TTC28: variants seen among roughly 807,000 people sequenced by gnomAD.
TTC28 encodes the protein tetratricopeptide repeat domain 28.
A neutral mutation model predicts 198.0 loss-of-function variants in TTC28; 61 were observed. That is an observed-to-expected ratio of 0.31 (90% CI 0.25 to 0.38). The LOEUF (loss-of-function observed/expected upper bound fraction) is 0.38. Ranked by LOEUF, TTC28 falls within the 10% of genes least tolerant of loss-of-function variation. TTC28 has a pLI of 1.00. For synonymous variants in TTC28, 1,171 were observed against 1,297.8 expected, an observed-to-expected ratio of 0.90 and a Z score of 2.10; for missense variants, 2,678 against 3,164.0, an observed-to-expected ratio of 0.85 and a Z score of 3.69.
chr22:28,658,828 C>G (rs987312658), intron 1 of TTC28, among the ~76,000 whole-genome samples: 4 of 152,118 alleles, frequency 2.6e-5, no homozygotes, highest in African/African-American at 9.7e-5. Flanking sequence ...AAAACCTCGT[C>G]TCTACTAAAA....
intron 5 of TTC28, among the ~76,000 whole-genome samples, chr22:28,274,070 A>T (rs1932257941): frequency 6.6e-6 from 1 of 152,200 alleles, no homozygotes; most frequent in Non-Finnish European, 1.5e-5. Context: ...ACTATATGAA[A>T]CCATTTGTAT....
At chr22:28,637,898 G>A (rs183015456) in intron 1 of TTC28, among the ~76,000 whole-genome samples, 47 of 152,270 alleles carry the variant, frequency 3.1e-4, no homozygotes, top group Admixed American at 2.1e-3. Context: ...GAAACCAAAA[G>A]AGAGCAGGAA....
At chr22:28,277,349 A>T (rs917857774) in intron 5 of TTC28, among the ~76,000 whole-genome samples, 2 of 152,210 alleles carry the variant, frequency 1.3e-5, no homozygotes, top group African/African-American at 4.8e-5. Context: ...AAAGATTCTG[A>T]TTACTGCTTA....
At chr22:28,169,565 C>CA (rs1040813546) in intron 5 of TTC28, among the ~76,000 whole-genome samples, 1 of 152,102 alleles carries the variant, frequency 6.6e-6, no homozygotes, top group African/African-American at 2.4e-5. Context: ...CAAACTATCG[C>CA]AAGGACAAAA....
rs191184845 is a variant in TTC28, at chr22:28,428,318, T to G, written c.382-121675A>C. On this transcript the variant is annotated intron_variant, in intron 2 of 22. Transcript: ENST00000397906. ...CAAATCCCTTTACTTTTGAAATCAC[T>G]CTAGTAAAAATGAAGGGATAAATAA... Among the ~76,000 whole-genome samples the G allele has an allele frequency of 1.6e-4, 25 of 152,252 alleles. No homozygotes were observed. In the East Asian group the frequency reaches 4.8e-3, roughly 29 times the overall value.
chr22:28,203,969 C>T (rs1383295488), intron 5 of TTC28, among the ~76,000 whole-genome samples: 1 of 152,076 alleles, frequency 6.6e-6, no homozygotes, highest in African/African-American at 2.4e-5. Flanking sequence ...TTATTCATTG[C>T]CTTATTGTTA....
chr22:28,458,886 A>AC (rs894547581), intron 2 of TTC28, among the ~76,000 whole-genome samples: 10 of 151,932 alleles, frequency 6.6e-5, no homozygotes, highest in African/African-American at 2.4e-4. Flanking sequence ...ATCTCAAAAA[A>AC]AAAAAAAAAA....
chr22:28,293,748 A>C (rs899501381), intron 5 of TTC28, among the ~76,000 whole-genome samples: 5 of 152,228 alleles, frequency 3.3e-5, no homozygotes, highest in African/African-American at 4.8e-5. Context: ...AATGAATGGT[A>C]CTTTATAATT....
At chr22:28,594,564 C>G in intron 2 of TTC28, among the ~76,000 whole-genome samples, 1 of 148,206 alleles carries the variant, frequency 6.7e-6, no homozygotes, top group East Asian at 1.9e-4. Context: ...AAGTAACATT[C>G]AATTTATAAA....
chr22:28,490,394 T>A (rs1401999116), intron 2 of TTC28, among the ~76,000 whole-genome samples: 1 of 152,182 alleles, frequency 6.6e-6, no homozygotes, highest in Non-Finnish European at 1.5e-5. Flanking sequence ...AGAGTTTGTA[T>A]CACCTGGAAC....
chr22:28,591,065 A>G (rs1374381915), intron 2 of TTC28, among the ~76,000 whole-genome samples: 1 of 125,126 alleles, frequency 8.0e-6, no homozygotes, highest in Admixed American at 7.7e-5. Flanking sequence ...ATATATATAT[A>G]TATATATATA....
At chr22:28,127,126 C>T (rs1268643380) in intron 6 of TTC28, among the ~76,000 whole-genome samples, 1 of 152,038 alleles carries the variant, frequency 6.6e-6, no homozygotes, top group Admixed American at 6.6e-5. Flanking sequence ...AAAGTCAGGC[C>T]CTGTTAAAAA....
At chr22:28,395,364 G>T (rs2046797783) in intron 2 of TTC28, among the ~76,000 whole-genome samples, 3 of 152,020 alleles carry the variant, frequency 2.0e-5, no homozygotes, top group Admixed American at 6.5e-5. Context: ...TGTGGTACTA[G>T]AAAACATTTT....
intron 6 of TTC28, among the ~76,000 whole-genome samples, chr22:28,129,437 T>C (rs936297699): frequency 1.3e-5 from 2 of 152,226 alleles, no homozygotes; most frequent in African/African-American, 4.8e-5. Context: ...CCTTTCTCAT[T>C]CCAAGATGTT....
chr22:28,485,761 G>A (rs1006671411), intron 2 of TTC28, among the ~76,000 whole-genome samples: 3 of 152,072 alleles, frequency 2.0e-5, no homozygotes, highest in African/African-American at 4.8e-5. Flanking sequence ...TGAAAATGGA[G>A]GAAAATATAT....
intron 2 of TTC28, among the ~76,000 whole-genome samples, chr22:28,481,703 T>G (rs1476334274): frequency 3.9e-5 from 6 of 152,126 alleles, no homozygotes; most frequent in Non-Finnish European, 8.8e-5. Flanking sequence ...ATTCAAATGT[T>G]GAGATAGGAT....
At chr22:28,630,547 C>G (rs972313936) in intron 1 of TTC28, among the ~76,000 whole-genome samples, 1 of 152,106 alleles carries the variant, frequency 6.6e-6, no homozygotes, top group Non-Finnish European at 1.5e-5. Context: ...AACTACTAGC[C>G]TCAAGAGATC....
At position 28,669,342 on chromosome 22, in the gene TTC28, C is replaced by A. The variant is rs528196524; in HGVS notation, c.102+10280G>T. Among the ~76,000 whole-genome samples, 6 of 151,620 alleles carry A rather than the reference C, an allele frequency of 4.0e-5. No individual in the cohort carries two copies. In the South Asian group the frequency reaches 1.3e-3, roughly 32 times the overall value. ...AAAGAAAAAGAAACTTCACATGGGG[C>A]CACATGTCTAATAAAGGTGACTGAA... On this transcript the variant is annotated intron_variant, in intron 1 of 22. Transcript: ENST00000397906.
Position 28,434,950 on chromosome 22 carries a change from T to C in TTC28, c.382-128307A>G, listed in dbSNP as rs191232308. Among the ~76,000 whole-genome samples the C allele has an allele frequency of 3.2e-4, 48 of 152,322 alleles. No individual in the cohort carries two copies. In the East Asian group the frequency reaches 8.9e-3, roughly 28 times the overall value. ...TGATGTAAATCTAAAATATTACCTC[T>C]CACAAAGTAAATGGTGCTGGAAATA... On this transcript the variant is annotated intron_variant, in intron 2 of 22. Transcript: ENST00000397906.
Sources: gnomAD v4.1 joint callset for allele counts (sites outside exome capture counted in the v4.1 genomes callset) on GRCh38, gnomAD v4.1.1 for gene constraint, MANE v1.5 for transcripts, NCBI Gene and HGNC (gene_info 2026-07-23, HGNC 2026-07-21) for gene names.